The following EMCN variants were observed in gnomAD, a reference collection of about 807,000 sequenced individuals.
The protein encoded by EMCN is MUC-14.
EMCN carries 37 observed loss-of-function variants against 38.4 expected under a neutral mutation model. The observed-to-expected ratio is 0.96, with a 90% CI of 0.74 to 1.27. The LOEUF (loss-of-function observed/expected upper bound fraction) is 1.27. Among genes scored for constraint, EMCN ranks in the 50% most tolerant of loss-of-function variants. The pLI is 0.00. For missense variants in EMCN, 318 were observed against 302.8 expected (o/e 1.05, Z -0.37); for synonymous variants, 95 against 100.8 (o/e 0.94, Z 0.35).
rs1578242726 is a variant in EMCN at position 100,513,480 on chromosome 4, A to G, written c.64+4371T>C. ...AAAAAAGCCATTTTGTATTTTTGAG[A>G]AGTTGGTTGAGAATAAGGTAGCTCC... On this transcript the variant is annotated intron_variant, in intron 1 of 11. Coordinates refer to ENST00000296420, the MANE Select transcript of EMCN (RefSeq NM_016242.4). 2.0e-5 allele frequency among the ~76,000 whole-genome samples: 3 copies of G among 152,252 alleles called. No individual in the cohort carries two copies. The East Asian group carries it at 5.8e-4, about 29-fold the overall frequency.
intron 5 of EMCN, among the ~76,000 whole-genome samples, chr4:100,438,788 T>TA (rs1727426613): frequency 6.6e-6 from 1 of 152,012 alleles, no homozygotes; most frequent in Non-Finnish European, 1.5e-5. Flanking sequence ...GTTTTTTTTT[T>TA]AATCAAGAAT....
chr4:100,421,677 T>G (rs944114536), intron 7 of EMCN, among the ~76,000 whole-genome samples: 3 of 152,004 alleles, frequency 2.0e-5, no homozygotes, highest in African/African-American at 7.2e-5. Flanking sequence ...AAGCAGAAGA[T>G]GTACTCTAGA....
intron 1 of EMCN, among the ~76,000 whole-genome samples, chr4:100,484,317 A>C (rs1024832556): frequency 6.6e-6 from 1 of 152,008 alleles, no homozygotes; most frequent in Non-Finnish European, 1.5e-5. Flanking sequence ...AACTAAATAT[A>C]TTTTCTCTGT....
intron 1 of EMCN, among the ~76,000 whole-genome samples, chr4:100,485,933 A>C (rs536029806): frequency 6.6e-6 from 1 of 152,338 alleles, no homozygotes; most frequent in Admixed American, 6.5e-5. Context: ...GTAACTCATT[A>C]GCCAAGAGTC....
chr4:100,422,958 A>G (rs1726933698), intron 7 of EMCN, 63 bp downstream of exon 7: 1 of 1,501,546 alleles, frequency 6.7e-7, no homozygotes, highest in Non-Finnish European at 9.3e-7. Context: ...CCTCTCCTTT[A>G]CTGGTCACAT....
intron 5 of EMCN, among the ~76,000 whole-genome samples, chr4:100,436,865 G>T (rs1393020594): frequency 6.6e-6 from 1 of 152,114 alleles, no homozygotes; most frequent in East Asian, 1.9e-4. Flanking sequence ...GCCTATCAGT[G>T]GTGAGAGAGG....
At chr4:100,428,854 G>A (rs148267234) in intron 5 of EMCN, among the ~76,000 whole-genome samples, 94 of 152,168 alleles carry the variant, frequency 6.2e-4, no homozygotes, top group African/African-American at 2.1e-3. Flanking sequence ...TTGCGTTTAC[G>A]GAGCTCACAT....
At chr4:100,515,074 T>A (rs1729718861) in intron 1 of EMCN, among the ~76,000 whole-genome samples, 2 of 152,240 alleles carry the variant, frequency 1.3e-5, no homozygotes, top group South Asian at 4.1e-4. Context: ...TCCAAGCAAT[T>A]AAATCCTTCT....
intron 1 of EMCN, among the ~76,000 whole-genome samples, chr4:100,510,228 C>T (rs1398988823): frequency 6.6e-6 from 1 of 152,070 alleles, no homozygotes. Flanking sequence ...TAATTAAATA[C>T]AAACACAATT....
intron 5 of EMCN, among the ~76,000 whole-genome samples, chr4:100,423,817 C>T (rs916473506): frequency 2.0e-5 from 3 of 151,890 alleles, no homozygotes; most frequent in Non-Finnish European, 4.4e-5. Flanking sequence ...CTGCACAGGA[C>T]GTCAGATTTT....
rs1356223098 is a variant in EMCN at position 100,447,542 on chromosome 4, CTGT to C, written c.403_405del (p.Thr135del). ...AGAAAAAAGAGCTTACCTGGTATTT[CTGT>C]TGTTTTAATTGAACTCTGAGTTTCA... On this transcript the variant is annotated inframe_deletion, in exon 5 of 12. Transcript: ENST00000296420. 6.9e-6 allele frequency: 11 copies of C among 1,603,056 alleles called. No individual in the cohort carries two copies. The highest frequency in any genetic ancestry group is 8.5e-6 in the Non-Finnish European group (10 of 1,171,426).
intron 3 of EMCN, among the ~76,000 whole-genome samples, chr4:100,467,845 C>T (rs1728365513): frequency 6.6e-6 from 1 of 152,136 alleles, no homozygotes; most frequent in Admixed American, 6.5e-5. Flanking sequence ...TAAAGCTGGT[C>T]TTTAAATCTA....
At chr4:100,490,516 G>A (rs1408703590) in intron 1 of EMCN, among the ~76,000 whole-genome samples, 1 of 152,140 alleles carries the variant, frequency 6.6e-6, no homozygotes, top group Non-Finnish European at 1.5e-5. Context: ...AGTCCTGTAA[G>A]CCCTATTCAT....
intron 7 of EMCN, 142 bp from the exon 8 acceptor site, chr4:100,421,519 C>G: frequency 1.5e-6 from 1 of 679,332 alleles, no homozygotes; most frequent in Middle Eastern, 2.6e-4. Context: ...AAAGATTCCT[C>G]TGATTCATGG....
chr4:100,402,330 A>G (rs932225801), intron 11 of EMCN, among the ~76,000 whole-genome samples: 5 of 152,168 alleles, frequency 3.3e-5, no homozygotes, highest in Admixed American at 3.3e-4. Context: ...TTTTTAACAT[A>G]GGTGATGATT....
At chr4:100,464,626 T>G (rs1204600836) in intron 4 of EMCN, among the ~76,000 whole-genome samples, 2 of 152,128 alleles carry the variant, frequency 1.3e-5, no homozygotes, top group Non-Finnish European at 2.9e-5. Flanking sequence ...TGTCGAATGC[T>G]CCTTCTACAT....
chr4:100,506,425 TG>T (rs1473168585), intron 1 of EMCN, among the ~76,000 whole-genome samples: 1 of 152,050 alleles, frequency 6.6e-6, no homozygotes, highest in Non-Finnish European at 1.5e-5. Flanking sequence ...CAAATGCCCA[TG>T]GGTCATGCAG....
intron 7 of EMCN, among the ~76,000 whole-genome samples, chr4:100,422,558 A>G (rs1190527561): frequency 6.6e-6 from 1 of 151,936 alleles, no homozygotes; most frequent in Non-Finnish European, 1.5e-5. Context: ...ATGAAGGCAA[A>G]CAATTCATTT....
In EMCN at chr4:100,397,019, G is replaced by A. The variant is rs958157200; in HGVS notation, c.*1394C>T. On this transcript the variant is annotated 3_prime_UTR_variant, in exon 12 of 12. Coordinates refer to ENST00000296420, the MANE Select transcript of EMCN (RefSeq NM_016242.4). ...ATAGATATGCTTATGCTTGCTTGGTGTCCTTGATTATAAATAGTCCAAACA... is the reference window on the plus strand; with the variant it reads ...ATAGATATGCTTATGCTTGCTTGGTATCCTTGATTATAAATAGTCCAAACA... 5 of 150,154 alleles carry A rather than the reference G, an allele frequency of 3.3e-5. No individual in the cohort carries two copies. Among genetic ancestry groups the A allele is most frequent in the African/African-American group, 7.4e-5 (3 of 40,694 alleles). 9.3% of individuals were successfully genotyped at this position (150,154 alleles called of 1,614,324 possible).
Sources: allele counts gnomAD v4.1 joint callset (sites outside exome capture counted in the v4.1 genomes callset), GRCh38; gene constraint gnomAD v4.1.1; transcripts MANE v1.5; gene names NCBI Gene and HGNC (gene_info 2026-07-23, HGNC 2026-07-21).